The following NALF1 variants were observed in gnomAD, a reference collection of about 807,000 sequenced individuals.
NALF1 encodes family with sequence similarity 155 member A.
In NALF1, 3 loss-of-function variants were observed where a neutral mutation model predicts 48.4. The ratio of observed to expected loss-of-function variants is 0.06; its 90% CI spans 0.03 to 0.16. The LOEUF (loss-of-function observed/expected upper bound fraction) is 0.16. Ranked by LOEUF, NALF1 falls within the 10% of genes least tolerant of loss-of-function variation. NALF1 has a pLI of 1.00. For missense variants in NALF1, 526 were observed against 571.5 expected (o/e 0.92, Z 0.81); for synonymous variants, 262 against 245.7 (o/e 1.07, Z -0.62).
intron 1 of NALF1, among the ~76,000 whole-genome samples, chr13:107,750,676 A>C (rs1594243615): frequency 6.6e-6 from 1 of 152,318 alleles, no homozygotes; most frequent in East Asian, 1.9e-4. Context: ...ACAGTCACTT[A>C]ATCCAAAATT....
intron 1 of NALF1, among the ~76,000 whole-genome samples, chr13:107,854,061 T>C (rs1594315443): frequency 6.6e-6 from 1 of 152,384 alleles, no homozygotes; most frequent in East Asian, 1.9e-4. Flanking sequence ...ACTATGCAGA[T>C]AGGATTTTAT....
intron 1 of NALF1, among the ~76,000 whole-genome samples, chr13:107,854,737 G>T (rs1214739046): frequency 6.6e-6 from 1 of 151,986 alleles, no homozygotes; most frequent in African/African-American, 2.4e-5. Context: ...AGCCACGCAC[G>T]GTGGTGTGCA....
At chr13:107,606,659 C>A (rs1480203539) in intron 1 of NALF1, among the ~76,000 whole-genome samples, 2 of 152,070 alleles carry the variant, frequency 1.3e-5, no homozygotes, top group Non-Finnish European at 2.9e-5. Flanking sequence ...AGCCACTGCG[C>A]CTGGCACCTT....
intron 1 of NALF1, among the ~76,000 whole-genome samples, chr13:107,523,065 G>C (rs973887059): frequency 1.3e-5 from 2 of 152,138 alleles, no homozygotes; most frequent in Admixed American, 1.3e-4. Context: ...TATATGAATG[G>C]ATAAACCAGT....
chr13:107,376,636 G>A (rs974214848), intron 1 of NALF1, among the ~76,000 whole-genome samples: 6 of 152,110 alleles, frequency 3.9e-5, no homozygotes, highest in African/African-American at 4.8e-5. Flanking sequence ...CAGAGTCCAC[G>A]AATTATGTCC....
intron 1 of NALF1, among the ~76,000 whole-genome samples, chr13:107,394,342 A>G (rs1187844243): frequency 6.6e-6 from 1 of 152,198 alleles, no homozygotes; most frequent in African/African-American, 2.4e-5. Flanking sequence ...CTTAAAATAA[A>G]TAAGGTCTGC....
intron 1 of NALF1, among the ~76,000 whole-genome samples, chr13:107,424,336 C>A (rs1884242806): frequency 1.3e-5 from 2 of 151,968 alleles, no homozygotes; most frequent in South Asian, 4.2e-4. Flanking sequence ...TGGAGTTTTG[C>A]CACATTGCCC....
At chr13:107,794,567 GAA>G (rs748533317) in intron 1 of NALF1, among the ~76,000 whole-genome samples, 8 of 133,070 alleles carry the variant, frequency 6.0e-5, no homozygotes, top group African/African-American at 2.2e-4. Context: ...ACCAAAAAAA[GAA>G]AAAAAAAGAA....
chr13:107,639,826 C>T (rs1161212263), intron 1 of NALF1, among the ~76,000 whole-genome samples: 1 of 152,162 alleles, frequency 6.6e-6, no homozygotes. Flanking sequence ...ATTTCTGTAA[C>T]AATCTACAAA....
chr13:107,493,711 T>TA (rs561136203), intron 1 of NALF1, among the ~76,000 whole-genome samples: 3 of 151,658 alleles, frequency 2.0e-5, no homozygotes, highest in East Asian at 1.9e-4. Context: ...ATCATGTCTG[T>TA]AAAAAAAATA....
intron 1 of NALF1, among the ~76,000 whole-genome samples, chr13:107,720,510 C>CAGAAA (rs1875952144): frequency 1.7e-5 from 1 of 59,856 alleles, no homozygotes; most frequent in African/African-American, 8.0e-5. Flanking sequence ...GACTGCATCT[C>CAGAAA]AAAAAAAAAA....
chr13:107,539,772 C>T (rs2809285), intron 1 of NALF1, among the ~76,000 whole-genome samples: 59,932 of 151,828 alleles, frequency 0.39, 12,255 homozygotes, highest in East Asian at 0.52. Context: ...TATATGTTTA[C>T]ACTTGCAGTG....
chr13:107,468,076 T>A (rs1032724490), intron 1 of NALF1, among the ~76,000 whole-genome samples: 3 of 148,362 alleles, frequency 2.0e-5, no homozygotes, highest in Admixed American at 6.7e-5. Flanking sequence ...AGTATTAAAA[T>A]CAGCAACTGT....
intron 1 of NALF1, among the ~76,000 whole-genome samples, chr13:107,783,734 C>T (rs932023105): frequency 6.6e-6 from 1 of 151,686 alleles, no homozygotes; most frequent in East Asian, 1.9e-4. Context: ...TGCGGAAGGC[C>T]GCAGGGTCCT....
At chr13:107,847,707 G>A (rs1880209645) in intron 1 of NALF1, among the ~76,000 whole-genome samples, 1 of 152,176 alleles carries the variant, frequency 6.6e-6, no homozygotes, top group Non-Finnish European at 1.5e-5. Flanking sequence ...CGTGAGCTTG[G>A]AAGCTGATCT....
At chr13:107,731,107 T>C (rs1876296782) in intron 1 of NALF1, among the ~76,000 whole-genome samples, 2 of 152,162 alleles carry the variant, frequency 1.3e-5, no homozygotes, top group Admixed American at 1.3e-4. Flanking sequence ...TATGCAATGT[T>C]GTTTTTGCTG....
intron 1 of NALF1, among the ~76,000 whole-genome samples, chr13:107,630,637 T>C (rs918050544): frequency 3.3e-5 from 5 of 152,126 alleles, no homozygotes; most frequent in Non-Finnish European, 5.9e-5. Flanking sequence ...TTTCTTATAA[T>C]CGTCTAATAG....
chr13:107,732,691 G>T (rs543805822), intron 1 of NALF1, among the ~76,000 whole-genome samples: 70 of 152,278 alleles, frequency 4.6e-4, no homozygotes, highest in African/African-American at 1.6e-3. Flanking sequence ...GAAGACAGGT[G>T]AATCTGTGAA....
At chr13:107,580,940 G>A (rs1193832164) in intron 1 of NALF1, among the ~76,000 whole-genome samples, 2 of 152,166 alleles carry the variant, frequency 1.3e-5, no homozygotes, top group Non-Finnish European at 2.9e-5. Flanking sequence ...CACTGCCCTT[G>A]TCGGTGCCAG....
Sources: gnomAD v4.1 joint callset for allele counts (sites outside exome capture counted in the v4.1 genomes callset) on GRCh38, gnomAD v4.1.1 for gene constraint, MANE v1.5 for transcripts, NCBI Gene and HGNC (gene_info 2026-07-23, HGNC 2026-07-21) for gene names.